Variants in IGFN1 observed in about 807,000 individuals in gnomAD.
IGFN1 encodes the protein immunoglobulin like and fibronectin type III domain containing 1.
IGFN1 carries 253 observed loss-of-function variants against 289.5 expected under a neutral mutation model. The ratio of observed to expected loss-of-function variants is 0.87; its 90% CI spans 0.79 to 0.97. The LOEUF (loss-of-function observed/expected upper bound fraction) is 0.97. Ranked by LOEUF, IGFN1 falls within the 50% of genes least tolerant of loss-of-function variation. IGFN1 has a pLI of 0.00. For missense variants in IGFN1, 4,470 were observed against 4,686.1 expected, an observed-to-expected ratio of 0.95 and a Z score of 1.35; for synonymous variants, 1,706 against 1,788.5, an observed-to-expected ratio of 0.95 and a Z score of 1.16.
At position 201,206,837 on chromosome 1, in the gene IGFN1, G is replaced by A. The variant is rs772004473; in HGVS notation, c.1944G>A (p.Arg648=). 3.3e-6 allele frequency: 5 copies of A among 1,536,806 alleles called. No homozygotes were observed. In the African/African-American group the frequency reaches 4.1e-5, roughly 13 times the overall value. Residue 648 remains arginine, a synonymous_variant, in exon 12 of 24, where the codon AGG becomes AGA. Coordinates refer to ENST00000335211, the MANE Select transcript of IGFN1 (RefSeq NM_001164586.2). The part of the protein sequence containing the change: ...MDRGDAPSRE[R]GRGIVVWGGG... ...GAGGGGATGCTCCAAGTAGGGAAAG[G>A]GGGAGAGGAATAGTAGTGTGGGGTG...
chr1:201,199,298 A>G, intron 5 of IGFN1, 36 bp from the exon 6 acceptor site: 1 of 1,545,018 alleles, frequency 6.5e-7, no homozygotes, highest in Non-Finnish European at 8.8e-7. Flanking sequence ...CTGCTTGTCC[A>G]CATCGACTCC....
rs1371238446 is a variant in IGFN1 at position 201,215,661 on chromosome 1, A to C, written c.9118A>C (p.Arg3040=). The change falls in exon 15 of 24, where the codon AGG becomes CGG. Residue 3040 remains arginine (R), a synonymous_variant. Transcript: ENST00000335211. ...QSHLPIQAAW[R]KDGAEVVGSS... is the part of the protein sequence containing the mutation. ...CCACCTCCCCATTCAGGCTGCCTGG[A>C]GGAAGGACGGGGCTGAGGTGGTGGG... The C allele has an allele frequency of 1.9e-6, 3 of 1,613,870 alleles. No individual in the cohort carries two copies. The highest frequency in any genetic ancestry group is 2.7e-5 in the African/African-American group (2 of 74,926).
chr1:201,208,023 G>C lies in IGFN1; in HGVS notation c.3130G>C (p.Gly1044Arg), dbSNP rs1184635893. ...AGTTGCCAGTCTTAAAAATGGCTCA[G>C]GTGGTCCTGATGGAGCACCCATGAA... ...GRVASLKNGS[G>R]GPDGAPMNDT... Residue 1044 changes from glycine to arginine, a missense_variant, in exon 12 of 24, where the codon GGT becomes CGT. Gly to Arg is a moderately radical substitution (Grantham distance 125). Coordinates refer to ENST00000335211, the MANE Select transcript of IGFN1 (RefSeq NM_001164586.2). 4 of 1,536,858 alleles carry C rather than the reference G, an allele frequency of 2.6e-6. No homozygotes were observed. The highest frequency in any genetic ancestry group is 1.2e-5 in the South Asian group (1 of 84,058).
rs767819111 is a variant in IGFN1 at position 201,226,885 on chromosome 1, G to GGTTCACAGTGAAGGCTCC, written c.10793_10810dup (p.Phe3598_Pro3603dup). ...CTCACCCCGGCTTTCACCACAGACA[G>GGTTCACAGTGAAGGCTCC]GTTCACAGTGAAGGCTCCGTGCTAC... On this transcript the variant is annotated inframe_insertion, in exon 23 of 24. Coordinates refer to ENST00000335211, the MANE Select transcript of IGFN1 (RefSeq NM_001164586.2). The GGTTCACAGTGAAGGCTCC allele has an allele frequency of 1.3e-6, 2 of 1,580,448 alleles. No homozygotes were observed. The highest frequency in any genetic ancestry group is 2.3e-5 in the South Asian group (2 of 86,298).
Position 201,221,614 on chromosome 1 carries a change from C to T in IGFN1, c.10069C>T (p.Pro3357Ser). Reference sequence around the variant, plus strand: ...GCTCCCGTGCCATGTGGGCACCGTGCCAGTCACCACCTACACGGCCAAGGG... The same window carrying T: ...GCTCCCGTGCCATGTGGGCACCGTGTCAGTCACCACCTACACGGCCAAGGG... ...QWLPCHVGTV[P>S]VTTYTAKGLR... Residue 3357 changes from proline to serine, a missense_variant, in exon 19 of 24, where the codon CCA (proline) becomes TCA (serine). Physicochemically the swap from Pro to Ser is moderately conservative, Grantham distance 74 (BLOSUM62 -1). Around this residue, in one of 8 missense-constraint regions of IGFN1, gnomAD observed 2,218 missense variants for 2,114.1 expected, o/e 1.05. Transcript: ENST00000335211. The T allele has an allele frequency of 6.2e-7, 1 of 1,614,176 alleles. No homozygotes were observed.
intron 20 of IGFN1, among the ~76,000 whole-genome samples, 195 bp from the exon 21 acceptor site, chr1:201,224,484 G>A (rs1653950668): frequency 6.6e-6 from 1 of 151,896 alleles, no homozygotes; most frequent in Non-Finnish European, 1.5e-5. Flanking sequence ...TACCATACCC[G>A]CCTGCCAACC....
At chr1:201,216,044 G>A (rs541601087) in intron 15 of IGFN1, 3 of 726,690 alleles carry the variant, frequency 4.1e-6, no homozygotes, top group South Asian at 1.5e-5. Context: ...GCTCCTGCTG[G>A]GGGGGAGGAG....
chr1:201,196,984 GC>G (rs1666948608), intron 4 of IGFN1, among the ~76,000 whole-genome samples: 1 of 151,860 alleles, frequency 6.6e-6, no homozygotes, highest in African/African-American at 2.4e-5. Flanking sequence ...ACCCCAAAAA[GC>G]ACACTCTTTC....
rs781507993 is a variant in IGFN1 at position 201,212,672 on chromosome 1, G to A, written c.7779G>A (p.Val2593=). Residue 2593 remains valine (V), a synonymous_variant, in exon 12 of 24, where the codon GTG becomes GTA. Coordinates refer to ENST00000335211, the MANE Select transcript of IGFN1 (RefSeq NM_001164586.2). Reference sequence around the variant, plus strand: ...GAAGGGTAGGCTCAGGGAGTTCAGTGGGGACAGGTCAGGATCTGGACAGCG... The same window carrying A: ...GAAGGGTAGGCTCAGGGAGTTCAGTAGGGACAGGTCAGGATCTGGACAGCG... ...GGRRVGSGSS[V]GTGQDLDSGS... The A allele has an allele frequency of 1.3e-5, 20 of 1,544,142 alleles. No homozygotes were observed. Among genetic ancestry groups the A allele is most frequent in the Non-Finnish European group, 1.8e-5 (20 of 1,142,666 alleles).
rs575084436 is a variant in IGFN1 at position 201,195,908 on chromosome 1, A to C, written c.197A>C (p.Lys66Thr). Residue 66 changes from lysine (K) to threonine (T), a missense_variant, in exon 4 of 24, where the codon AAA becomes ACA. This residue lies in a region of IGFN1 where 2,011 missense variants were observed against 1,953.4 expected (regional missense o/e 1.03). Coordinates refer to ENST00000335211, the MANE Select transcript of IGFN1 (RefSeq NM_001164586.2). ...PRPEVRWQNS[K>T]GDLSDSSKYK... The stretch of plus-strand genomic sequence containing the variant: ...CCCGAGGTGCGTTGGCAGAACTCCA[A>C]AGGTGACCTCAGTGATTCCAGCAAG... The C allele has an allele frequency of 1.9e-5, 29 of 1,551,776 alleles. No individual in the cohort carries two copies. In the East Asian group the frequency reaches 3.2e-4, roughly 17 times the overall value.
At chr1:201,192,953 C>A (rs909379117) in intron 1 of IGFN1, among the ~76,000 whole-genome samples, 9 of 152,240 alleles carry the variant, frequency 5.9e-5, no homozygotes, top group African/African-American at 2.2e-4. Context: ...GGGGTCCCAC[C>A]AGGAGGCCAG....
chr1:201,197,747 T>G (rs1666981261), intron 5 of IGFN1, among the ~76,000 whole-genome samples: 1 of 152,152 alleles, frequency 6.6e-6, no homozygotes. Flanking sequence ...TTTTTTGGTG[T>G]GCGTGGTGTT....
At position 201,207,916 on chromosome 1, in the gene IGFN1, G is replaced by A; in HGVS notation, c.3023G>A (p.Gly1008Glu). 2.0e-6 allele frequency: 3 copies of A among 1,536,812 alleles called. No homozygotes were observed. Among genetic ancestry groups the A allele is most frequent in the Non-Finnish European group, 1.7e-6 (2 of 1,146,770 alleles). The change falls in exon 12 of 24, where the codon GGG becomes GAG. Residue 1008 changes from glycine to glutamate, a missense_variant. By Grantham distance (98) the Gly-to-Glu change is moderately conservative (BLOSUM62 -2). Transcript: ENST00000335211. ...GGAGTGGAGTCTGAGGAAGGGGGTGGGTACAGGCATGGCTCCGGAGCGCCT... is the reference window on the plus strand; with the variant it reads ...GGAGTGGAGTCTGAGGAAGGGGGTGAGTACAGGCATGGCTCCGGAGCGCCT... Reference protein sequence around the residue: ...PAGVESEEGGGYRHGSGAPGG... With the variant: ...PAGVESEEGGEYRHGSGAPGG...
intron 23 of IGFN1, 43 bp downstream of exon 23, chr1:201,227,251 G>C: frequency 6.8e-7 from 1 of 1,480,070 alleles, no homozygotes; most frequent in Non-Finnish European, 9.1e-7. Context: ...AGGAGAGCCA[G>C]GAGAGCAACC....
chr1:201,192,122 A>G (rs1666686128), intron 1 of IGFN1, among the ~76,000 whole-genome samples: 1 of 152,210 alleles, frequency 6.6e-6, no homozygotes, highest in Admixed American at 6.5e-5. Context: ...TGACCACTCC[A>G]GAACGCAGTT....
At chr1:201,203,016 A>G (rs946996907) in intron 9 of IGFN1, among the ~76,000 whole-genome samples, 2 of 152,114 alleles carry the variant, frequency 1.3e-5, no homozygotes, top group Non-Finnish European at 2.9e-5. Flanking sequence ...TCAGGCTCCC[A>G]AAGTGCTGGG....
At chr1:201,226,315 A>G (rs1212941096) in intron 22 of IGFN1, among the ~76,000 whole-genome samples, 192 bp downstream of exon 22, 1 of 38,614 alleles carries the variant, frequency 2.6e-5, no homozygotes, top group Non-Finnish European at 4.7e-5. Flanking sequence ...CTGTTCTGGC[A>G]TCCTCTGCAC....
In IGFN1 at chr1:201,212,336, TG is replaced by T; in HGVS notation, c.7444del (p.Ala2482LeufsTer30). 6.5e-7 allele frequency: 1 copy of T among 1,536,766 alleles called. No homozygotes were observed. The highest frequency in any genetic ancestry group is 8.7e-7 in the Non-Finnish European group (1 of 1,146,808). ...CAGGGATCCCTGAGGCCTCGGAGGCTGCTGGTGCCAAGGGAAAACCAGATGT... is the reference window on the plus strand; with the variant it reads ...CAGGGATCCCTGAGGCCTCGGAGGCTCTGGTGCCAAGGGAAAACCAGATGT... ...TSGIPEASEA[A>X]GAKGKPDVKE... On this transcript the variant is annotated frameshift_variant, in exon 12 of 24. Coordinates refer to ENST00000335211, the MANE Select transcript of IGFN1 (RefSeq NM_001164586.2). LOFTEE classifies it high-confidence loss of function.
chr1:201,191,610 A>T (rs1666662082), intron 1 of IGFN1, among the ~76,000 whole-genome samples: 1 of 152,206 alleles, frequency 6.6e-6, no homozygotes, highest in African/African-American at 2.4e-5. Flanking sequence ...ACATCCCTCT[A>T]GTCTCCAATC....
Sources: allele counts gnomAD v4.1 joint callset (sites outside exome capture counted in the v4.1 genomes callset), GRCh38; gene constraint gnomAD v4.1.1; regional missense constraint gnomAD v4.1.1; transcripts MANE v1.5; gene names NCBI Gene and HGNC (gene_info 2026-07-23, HGNC 2026-07-21).